STX7: variants seen among roughly 807,000 people sequenced by gnomAD.
STX7 encodes syntaxin-7.
A neutral mutation model predicts 39.6 loss-of-function variants in STX7; 34 were observed. That is an observed-to-expected ratio of 0.86 (90% CI 0.65 to 1.14). The LOEUF is 1.14. STX7 is among the 50% of genes most tolerant of loss of function. The probability of loss-of-function intolerance (pLI) is 0.00; values close to 1 mark genes in which losing one functional copy is unlikely to be tolerated. For synonymous variants in STX7, 119 were observed against 99.1 expected, an observed-to-expected ratio of 1.20 and a Z score of -1.19; for missense variants, 284 against 310.4, an observed-to-expected ratio of 0.92 and a Z score of 0.64.
intron 9 of STX7, 98 bp from the exon 10 acceptor site, chr6:132,460,948 G>T: frequency 9.9e-7 from 1 of 1,005,866 alleles, no homozygotes; most frequent in Non-Finnish European, 1.5e-6. Context: ...CATTTCTAGA[G>T]TAAAATCAGT....
At chr6:132,466,149 C>A (rs1360495486) in intron 8 of STX7, among the ~76,000 whole-genome samples, 3 of 152,222 alleles carry the variant, frequency 2.0e-5, no homozygotes, top group Non-Finnish European at 4.4e-5. Context: ...CACTATTTCA[C>A]CAACACAGCT....
intron 2 of STX7, among the ~76,000 whole-genome samples, chr6:132,480,728 G>T (rs955814590): frequency 6.6e-6 from 1 of 152,170 alleles, no homozygotes; most frequent in Non-Finnish European, 1.5e-5. Context: ...GAAAATCTGG[G>T]TTATCCCAAA....
rs1195881689 is a variant in STX7, at chr6:132,449,018, C to CTT, written c.*11738_*11739dup. ...TTTGCTTCTTGTATATGTGGATCCA[C>CTT]TTTTTTTTTTTTTAGACAGGGTACA... is the stretch of plus-strand genomic sequence containing the variant. On this transcript the variant is annotated 3_prime_UTR_variant, in exon 10 of 10. Transcript: ENST00000367941. The CTT allele has an allele frequency of 4.9e-5, 7 of 142,320 alleles. No individual in the cohort carries two copies. The highest frequency in any genetic ancestry group is 1.4e-4 in the Admixed American group (2 of 14,160). 8.8% of individuals were successfully genotyped at this position (142,320 alleles called of 1,614,324 possible).
intron 7 of STX7, 31 bp downstream of exon 7, chr6:132,469,920 C>T: frequency 1.3e-6 from 2 of 1,541,112 alleles, no homozygotes; most frequent in Non-Finnish European, 1.8e-6. Context: ...AAGACCAGAG[C>T]AGCAGCCCAA....
At position 132,478,406 on chromosome 6, in the gene STX7, G is replaced by A. The variant is rs114697397; in HGVS notation, c.86-2744C>T. Among the ~76,000 whole-genome samples the A allele has an allele frequency of 6.1e-3, 933 of 152,136 alleles. 6 individuals carry two copies. Among genetic ancestry groups the A allele is most frequent in the African/African-American group, 0.021 (858 of 41,482 alleles). ...CTAGTTCCACCATGTGGTAATTTCC[G>A]GTTTCTGAACAGATATACTGAGCAA... On this transcript the variant is annotated intron_variant, in intron 2 of 9. Transcript: ENST00000367941.
rs561721302 is a variant in STX7 at position 132,495,132 on chromosome 6, G to C, written c.85+8314C>G. Among the ~76,000 whole-genome samples, 22 of 152,244 alleles carry C rather than the reference G, an allele frequency of 1.4e-4. No individual in the cohort carries two copies. In the South Asian group the frequency reaches 1.4e-3, roughly 10 times the overall value. On this transcript the variant is annotated intron_variant, in intron 2 of 9. Coordinates refer to ENST00000367941, the MANE Select transcript of STX7 (RefSeq NM_003569.3). ...ATGGTTCACAGATAGGAGAGTGAGG[G>C]ATAAAGCTCCTTGAAGCATCTTGGA... is the stretch of plus-strand genomic sequence containing the variant.
At chr6:132,468,066 G>A (rs998089295) in intron 8 of STX7, among the ~76,000 whole-genome samples, 2 of 152,172 alleles carry the variant, frequency 1.3e-5, no homozygotes, top group Admixed American at 1.3e-4. Context: ...TTAGCATGAT[G>A]ACAAATAAAT....
intron 2 of STX7, among the ~76,000 whole-genome samples, chr6:132,494,511 G>A (rs1470599854): frequency 6.6e-6 from 1 of 152,184 alleles, no homozygotes; most frequent in African/African-American, 2.4e-5. Context: ...AAACAAGTGA[G>A]CTTTGGGCCC....
chr6:132,484,409 G>A (rs1167190564), intron 2 of STX7, among the ~76,000 whole-genome samples: 2 of 152,076 alleles, frequency 1.3e-5, no homozygotes, highest in Non-Finnish European at 2.9e-5. Flanking sequence ...TAAAATTGTA[G>A]GCTGAATTTG....
intron 2 of STX7, among the ~76,000 whole-genome samples, chr6:132,493,832 C>T (rs1775354813): frequency 6.6e-6 from 1 of 152,278 alleles, no homozygotes; most frequent in Non-Finnish European, 1.5e-5. Context: ...CTGTTCGATT[C>T]CTACTTCAGC....
At chr6:132,460,945 A>G in intron 9 of STX7, 95 bp from the exon 10 acceptor site, 2 of 1,103,706 alleles carry the variant, frequency 1.8e-6, no homozygotes, top group Non-Finnish European at 2.6e-6. Context: ...GTTCATTTCT[A>G]GAGTAAAATC....
At chr6:132,498,503 A>G (rs1004136467) in intron 2 of STX7, among the ~76,000 whole-genome samples, 1 of 152,124 alleles carries the variant, frequency 6.6e-6, no homozygotes, top group Non-Finnish European at 1.5e-5. Flanking sequence ...AAACTTTCCC[A>G]CTGCAACACT....
Position 132,452,550 on chromosome 6 carries a change from A to ATTTCTATTTCTATTTCTATTTCTAAAG in STX7, c.*8207_*8208insCTTTAGAAATAGAAATAGAAATAGAAA, listed in dbSNP as rs1774156856. On this transcript the variant is annotated 3_prime_UTR_variant, in exon 10 of 10. Transcript: ENST00000367941. ...TGGGCTCAATAAGGTCTCAGTATACAAAATAGAAAAATTCACTTTATTTCT... is the reference window on the plus strand; with the variant it reads ...TGGGCTCAATAAGGTCTCAGTATACATTTCTATTTCTATTTCTATTTCTAAAGAAATAGAAAAATTCACTTTATTTCT... 10 of 152,202 alleles carry ATTTCTATTTCTATTTCTATTTCTAAAG rather than the reference A, an allele frequency of 6.6e-5. No homozygotes were observed. The highest frequency in any genetic ancestry group is 1.3e-4 in the Non-Finnish European group (9 of 67,998). 9.4% of individuals were successfully genotyped at this position (152,202 alleles called of 1,614,324 possible).
In STX7 at chr6:132,481,019, G is replaced by A. The variant is rs145670530; in HGVS notation, c.86-5357C>T. ...CTGTTCAGTTTTGCTGAAAGAGGAG[G>A]AGCACACAGGAAATCACCCCCTAAA... On this transcript the variant is annotated intron_variant, in intron 2 of 9. Transcript: ENST00000367941. Among the ~76,000 whole-genome samples, 30 of 152,234 alleles carry A rather than the reference G, an allele frequency of 2.0e-4. No homozygotes were observed. The East Asian group carries it at 5.6e-3, about 28-fold the overall frequency.
chr6:132,486,664 G>GTT (rs386408642), intron 2 of STX7, among the ~76,000 whole-genome samples: 24,394 of 124,938 alleles, frequency 0.2, 3,023 homozygotes, highest in East Asian at 0.63. Context: ...TTTTTTCTGG[G>GTT]TTTTTTTTTT....
In STX7 at chr6:132,457,844, T is replaced by C. The variant is rs554255896; in HGVS notation, c.*2914A>G. On this transcript the variant is annotated 3_prime_UTR_variant, in exon 10 of 10. Coordinates refer to ENST00000367941, the MANE Select transcript of STX7 (RefSeq NM_003569.3). ...CCATGTGAAAGAAATAAATTCAATT[T>C]TGACTTTCAAAAAAAATAAATGCTG... 1.3e-5 allele frequency: 2 copies of C among 152,310 alleles called. No individual in the cohort carries two copies. Among genetic ancestry groups the C allele is most frequent in the South Asian group, 2.1e-4 (1 of 4,828 alleles). 9.4% of individuals were successfully genotyped at this position (152,310 alleles called of 1,614,324 possible).
chr6:132,503,661 G>A, intron 1 of STX7, 73 bp from the exon 2 acceptor site: 1 of 621,478 alleles, frequency 1.6e-6, no homozygotes, highest in Non-Finnish European at 2.7e-6. Context: ...AACAATCTGT[G>A]AAGTTACAAG....
chr6:132,466,052 C>G (rs1193642004), intron 8 of STX7, among the ~76,000 whole-genome samples: 1 of 152,174 alleles, frequency 6.6e-6, no homozygotes, highest in Non-Finnish European at 1.5e-5. Flanking sequence ...CCCCTCTTTA[C>G]TCCTTGAAAG....
At chr6:132,511,972 G>C (rs1481964399) in intron 1 of STX7, among the ~76,000 whole-genome samples, 1 of 152,090 alleles carries the variant, frequency 6.6e-6, no homozygotes, top group Non-Finnish European at 1.5e-5. Flanking sequence ...AACCTCTACA[G>C]AAACTGTGAA....
Sources: gnomAD v4.1 joint callset for allele counts (sites outside exome capture counted in the v4.1 genomes callset) on GRCh38, gnomAD v4.1.1 for gene constraint, MANE v1.5 for transcripts, NCBI Gene and HGNC (gene_info 2026-07-23, HGNC 2026-07-21) for gene names.